Variants in SHF observed in about 807,000 individuals in gnomAD.
SHF encodes the protein SH2 domain-containing adapter protein F.
Under a neutral mutation model 42.4 loss-of-function variants are expected in SHF, and 30 were observed. The observed-to-expected ratio is 0.71, with a 90% CI of 0.53 to 0.96. The LOEUF (loss-of-function observed/expected upper bound fraction) is 0.96, where lower values mean the gene tolerates loss of function less well. SHF is among the 40% of genes least tolerant of loss of function. The probability of loss-of-function intolerance (pLI) is 0.00; values close to 1 mark genes in which losing one functional copy is unlikely to be tolerated. For synonymous variants in SHF, 264 were observed against 269.9 expected, an observed-to-expected ratio of 0.98 and a Z score of 0.21; for missense variants, 598 against 634.0, an observed-to-expected ratio of 0.94 and a Z score of 0.61.
exon 2 of SHF, chr15:45,199,028 C>T (rs1898976514): frequency 1.9e-6 from 3 of 1,607,202 alleles, no homozygotes; most frequent in Non-Finnish European, 2.5e-6. Flanking sequence ...CTCCAGGGTT[C>T]CGGTCCTACA....
At chr15:45,170,639 C>A in intron 6 of SHF, 13 of 251,304 alleles carry the variant, frequency 5.2e-5, no homozygotes, top group Non-Finnish European at 9.8e-5. Flanking sequence ...TTTCTATTAT[C>A]TTTTTCTTTT....
In SHF at chr15:45,172,015, G is replaced by C; in HGVS notation, c.1161-13C>G. On this transcript the variant is annotated splice_polypyrimidine_tract_variant and intron_variant, in intron 5 of 6. Coordinates refer to ENST00000690270, the MANE Select transcript of SHF (RefSeq NM_001394037.1). ...CCCGTGATACCAGCTAAGGATGAGA[G>C]AGAGGAAGGGGGGCATCTCTGCTGG... 1 of 1,613,936 alleles carries C rather than the reference G, an allele frequency of 6.2e-7. No homozygotes were observed. Among genetic ancestry groups the C allele is most frequent in the Non-Finnish European group, 8.5e-7 (1 of 1,179,856 alleles).
intron 6 of SHF, chr15:45,170,645 C>CT (rs146136602): frequency 0.053 from 11,678 of 221,018 alleles, 62 homozygotes; most frequent in Non-Finnish European, 0.066. Flanking sequence ...TTATCTTTTT[C>CT]TTTTTTTTTT....
intron 6 of SHF, 48 bp downstream of exon 6, chr15:45,171,835 C>T (rs779887714): frequency 4.4e-6 from 7 of 1,588,928 alleles, no homozygotes; most frequent in African/African-American, 2.7e-5. Context: ...ACTGGAGTCC[C>T]CTTCCACCCT....
chr15:45,171,298 C>T (rs113534046), intron 6 of SHF: 2,920 of 153,702 alleles, frequency 0.019, 41 homozygotes, highest in Admixed American at 0.027. Context: ...TCCTCTACGT[C>T]TTCCAGGACC....
upstream of SHF, among the ~76,000 whole-genome samples, chr15:45,189,298 T>A (rs1251251445): frequency 1.3e-5 from 2 of 150,720 alleles, no homozygotes; most frequent in African/African-American, 4.9e-5. Context: ...TGCTCTTGGC[T>A]CTGCTGGGAA....
At chr15:45,194,898 G>C (rs1898819625) in intron 2 of SHF, among the ~76,000 whole-genome samples, 1 of 152,130 alleles carries the variant, frequency 6.6e-6, no homozygotes. Context: ...GTGTGATCAT[G>C]GCTCACTGTA....
intron 2 of SHF, among the ~76,000 whole-genome samples, chr15:45,177,092 C>A (rs1339556680): frequency 1.3e-5 from 2 of 152,190 alleles, no homozygotes; most frequent in Non-Finnish European, 2.9e-5. Flanking sequence ...CTTACCACCT[C>A]TCCCAAGTAG....
At chr15:45,171,777 T>A in intron 6 of SHF, 106 bp downstream of exon 6, 1 of 1,258,550 alleles carries the variant, frequency 7.9e-7, no homozygotes, top group African/African-American at 1.5e-5. Context: ...CTGGGGATTG[T>A]TCATGGGGGA....
chr15:45,173,098 C>T (rs1897598311), intron 4 of SHF, among the ~76,000 whole-genome samples: 1 of 152,280 alleles, frequency 6.6e-6, no homozygotes, highest in African/African-American at 2.4e-5. Context: ...GGTGCCCATT[C>T]TGGGCAGAAC....
upstream of SHF, among the ~76,000 whole-genome samples, chr15:45,188,894 G>C (rs752703724): frequency 9.2e-5 from 14 of 152,178 alleles, no homozygotes; most frequent in Admixed American, 2.0e-4. Context: ...TTTTGTCTTA[G>C]AAATAAAGCC....
intron 1 of SHF, among the ~76,000 whole-genome samples, chr15:45,179,336 A>G (rs1254674839): frequency 6.6e-6 from 1 of 152,248 alleles, no homozygotes; most frequent in Non-Finnish European, 1.5e-5. Flanking sequence ...ACCAGGGGGC[A>G]TCTTGGCTGT....
upstream of SHF, among the ~76,000 whole-genome samples, chr15:45,188,358 C>G (rs979031553): frequency 4.8e-4 from 73 of 152,324 alleles, no homozygotes; most frequent in African/African-American, 1.8e-3. Flanking sequence ...CTCCTCTTCC[C>G]TCTCCCAGGA....
intron 2 of SHF, 72 bp from the exon 3 acceptor site, chr15:45,175,497 T>C: frequency 2.0e-6 from 3 of 1,473,580 alleles, no homozygotes; most frequent in Non-Finnish European, 2.8e-6. Context: ...CTCCAATGCT[T>C]CTCAGCAACA....
chr15:45,198,677 C>T (rs1030651379), intron 2 of SHF: 5 of 1,476,022 alleles, frequency 3.4e-6, no homozygotes, highest in East Asian at 2.3e-5. Context: ...ACGATCACGG[C>T]GAGCTACCGG....
rs1449636316 is a variant in SHF at position 45,167,916 on chromosome 15, A to G, written c.*31T>C. On this transcript the variant is annotated 3_prime_UTR_variant, in exon 7 of 7. Transcript: ENST00000690270. ...CCAGGTGATGGGCACAGGGCTGGGT[A>G]CAGGTCTATCACAGTGCCCTGGCTT... is the stretch of plus-strand genomic sequence containing the variant. 1 of 1,543,682 alleles carries G rather than the reference A, an allele frequency of 6.5e-7. No homozygotes were observed. The highest frequency in any genetic ancestry group is 1.3e-5 in the South Asian group (1 of 78,602).
At chr15:45,186,309 C>T (rs970922414) in intron 1 of SHF, among the ~76,000 whole-genome samples, 5 of 152,260 alleles carry the variant, frequency 3.3e-5, no homozygotes, top group Non-Finnish European at 5.9e-5. Flanking sequence ...TCTCTCTCAT[C>T]CAGGAAATCT....
Position 45,173,640 on chromosome 15 carries a change from A to T in SHF, c.924T>A (p.Asp308Glu). Residue 308 changes from aspartate to glutamate, a missense_variant, in exon 4 of 7, where the codon GAT becomes GAA. By Grantham distance (45) the Asp-to-Glu change is conservative. This residue lies in a region of SHF where 439 missense variants were observed against 524.6 expected (regional missense o/e 0.84). Transcript: ENST00000690270. ...CTGGACCGGAGATGTCCCTGTCCCC[A>T]TCAGGCAGGGAGGGGCTGCTGTCCA... is the stretch of plus-strand genomic sequence containing the variant. ...GQLDSSPSLP[D>E]GDRDISGPAS... 4 of 1,551,450 alleles carry T rather than the reference A, an allele frequency of 2.6e-6. No individual in the cohort carries two copies. Among genetic ancestry groups the T allele is most frequent in the Non-Finnish European group, 3.5e-6 (4 of 1,146,892 alleles).
intron 1 of SHF, among the ~76,000 whole-genome samples, chr15:45,181,958 C>G (rs1209534790): frequency 1.3e-5 from 2 of 152,248 alleles, no homozygotes; most frequent in Non-Finnish European, 2.9e-5. Flanking sequence ...AAAGTAGCTA[C>G]TACCCAGAGG....
Sources: allele counts gnomAD v4.1 joint callset (sites outside exome capture counted in the v4.1 genomes callset), GRCh38; gene constraint gnomAD v4.1.1; regional missense constraint gnomAD v4.1.1; transcripts MANE v1.5; gene names NCBI Gene and HGNC (gene_info 2026-07-23, HGNC 2026-07-21).